Variants in FOXF2 observed in about 807,000 individuals in gnomAD.
FOXF2 encodes the protein forkhead box protein F2.
In FOXF2, 15 loss-of-function variants were observed where a neutral mutation model predicts 29.1. That is an observed-to-expected ratio of 0.52 (90% CI 0.35 to 0.79). The LOEUF (loss-of-function observed/expected upper bound fraction) is 0.79, where lower values mean the gene tolerates loss of function less well. FOXF2 is among the 30% of genes least tolerant of loss of function. The probability of loss-of-function intolerance (pLI) is 0.01; values close to 1 mark genes in which losing one functional copy is unlikely to be tolerated. For missense variants in FOXF2, 675 were observed against 667.1 expected, an observed-to-expected ratio of 1.01 and a Z score of -0.13; for synonymous variants, 337 against 316.5, an observed-to-expected ratio of 1.06 and a Z score of -0.69.
rs532963727 is a variant in FOXF2 at position 1,392,305 on chromosome 6, G to C, written c.1171+1187G>C. The stretch of plus-strand genomic sequence containing the variant: ...AAGACAGTCTCGGCAGGACCACACC[G>C]GAGAGGATTTTAGCCTGACTTAACC... On this transcript the variant is annotated intron_variant, in intron 1 of 1. Transcript: ENST00000645481. 1.4e-4 allele frequency among the ~76,000 whole-genome samples: 22 copies of C among 152,240 alleles called. No homozygotes were observed. In the South Asian group the frequency reaches 3.3e-3, roughly 23 times the overall value.
At chr6:1,394,580 A>G in intron 1 of FOXF2, 116 bp from the exon 2 acceptor site, 1 of 933,700 alleles carries the variant, frequency 1.1e-6, no homozygotes, top group Middle Eastern at 2.3e-4. Context: ...CCAGCTGTCT[A>G]GCAATTTACT....
intron 1 of FOXF2, among the ~76,000 whole-genome samples, chr6:1,393,446 G>C (rs892825886): frequency 3.3e-5 from 5 of 151,914 alleles, no homozygotes; most frequent in African/African-American, 1.2e-4. Context: ...TTAACGCGAC[G>C]AGGGAACTCA....
intron 1 of FOXF2, among the ~76,000 whole-genome samples, chr6:1,391,361 G>T (rs1758785356): frequency 6.6e-6 from 1 of 152,240 alleles, no homozygotes; most frequent in Non-Finnish European, 1.5e-5. Context: ...CTGTGAGCGT[G>T]GTGTAAAGTC....
intron 1 of FOXF2, among the ~76,000 whole-genome samples, chr6:1,393,500 G>C (rs1475367143): frequency 6.6e-6 from 1 of 152,178 alleles, no homozygotes; most frequent in Non-Finnish European, 1.5e-5. Context: ...TCGCGGGACA[G>C]GGCAGCTGCG....
chr6:1,392,340 C>G (rs1758805071), intron 1 of FOXF2, among the ~76,000 whole-genome samples: 1 of 151,976 alleles, frequency 6.6e-6, no homozygotes, highest in African/African-American at 2.4e-5. Context: ...CCACTGAGAA[C>G]AGAGTCTTGT....
At position 1,395,282 on chromosome 6, in the gene FOXF2, T is replaced by G. The variant is rs904586759; in HGVS notation, c.*423T>G. 2.1e-5 allele frequency: 4 copies of G among 194,216 alleles called. No homozygotes were observed. Among genetic ancestry groups the G allele is most frequent in the African/African-American group, 9.3e-5 (4 of 42,936 alleles). The allele number at this position is 194,216 out of a possible 1,614,324, so 12.0% of individuals were successfully genotyped here. ...CTAAGCACAAGATTTCAAGAAAGCC[T>G]CTTCTTGTTGCCTAGCTGAGTGGGA... On this transcript the variant is annotated 3_prime_UTR_variant, in exon 2 of 2. Transcript: ENST00000645481.
Position 1,390,853 on chromosome 6 carries a change from C to T in FOXF2, c.906C>T (p.Gly302=). 2.8e-6 allele frequency: 4 copies of T among 1,410,940 alleles called. No homozygotes were observed. Among genetic ancestry groups the T allele is most frequent in the Non-Finnish European group, 3.7e-6 (4 of 1,083,540 alleles). 87.4% of individuals were successfully genotyped at this position (1,410,940 alleles called of 1,614,324 possible). ...CCGGGGGCGTCGGTGCGGCCGGGGG[C>T]GGCGGCGGCGGCGACTACGGGCCGG... ...AGPGGVGAAG[G]GGGGDYGPDS... is the part of the protein sequence containing the mutation. The change falls in exon 1 of 2, where the codon GGC becomes GGT. Residue 302 remains glycine (G), a synonymous_variant. Transcript: ENST00000645481. The surrounding 1 kb of genome is among the most constrained non-coding windows in gnomAD (Gnocchi z 8.5).
intron 1 of FOXF2, among the ~76,000 whole-genome samples, chr6:1,393,150 C>T (rs1007095902): frequency 6.6e-6 from 1 of 152,086 alleles, no homozygotes; most frequent in African/African-American, 2.4e-5. Context: ...CACATGTCTA[C>T]GCGCACACAC....
In FOXF2 at chr6:1,390,097, G is replaced by GTCGTCCTCCGCCTCCTGCGCCTCGTCC. The variant is rs1254350390; in HGVS notation, c.160_186dup (p.Ala54_Ser62dup). ...CGGAGACCACCTCCTCCTCCTCGTCGTCGTCCTCCGCCTCCTGCGCCTCGT... is the reference window on the plus strand; with the variant it reads ...CGGAGACCACCTCCTCCTCCTCGTCGTCGTCCTCCGCCTCCTGCGCCTCGTCCTCGTCCTCCGCCTCCTGCGCCTCGT... On this transcript the variant is annotated inframe_insertion, in exon 1 of 2. Transcript: ENST00000645481. The surrounding 1 kb of genome is among the most constrained non-coding windows in gnomAD (Gnocchi z 8.5). 1 of 1,425,948 alleles carries GTCGTCCTCCGCCTCCTGCGCCTCGTCC rather than the reference G, an allele frequency of 7.0e-7. No homozygotes were observed. The highest frequency in any genetic ancestry group is 3.0e-5 in the East Asian group (1 of 32,924). The allele number at this position is 1,425,948 out of a possible 1,614,324, so 88.3% of individuals were successfully genotyped here. A position where few individuals can be genotyped will look rare whatever the true frequency, so the allele number is the denominator to read the frequency against.
chr6:1,390,856 C>A lies in FOXF2; in HGVS notation c.909C>A (p.Gly303=). Residue 303 remains glycine, a synonymous_variant, in exon 1 of 2, where the codon GGC becomes GGA. Transcript: ENST00000645481. The surrounding 1 kb of genome is among the most constrained non-coding windows in gnomAD (Gnocchi z 8.5). ...GPGGVGAAGG[G]GGGDYGPDSS... is the part of the protein sequence containing the mutation. Reference sequence around the variant, plus strand: ...GGGGCGTCGGTGCGGCCGGGGGCGGCGGCGGCGGCGACTACGGGCCGGACA... The same window carrying A: ...GGGGCGTCGGTGCGGCCGGGGGCGGAGGCGGCGGCGACTACGGGCCGGACA... 1 of 1,440,270 alleles carries A rather than the reference C, an allele frequency of 6.9e-7. No homozygotes were observed. Among genetic ancestry groups the A allele is most frequent in the Non-Finnish European group, 9.0e-7 (1 of 1,106,650 alleles). The allele number at this position is 1,440,270 out of a possible 1,614,324, so 89.2% of individuals were successfully genotyped here. A position where few individuals can be genotyped will look rare whatever the true frequency, so the allele number is the denominator to read the frequency against.
At position 1,390,262 on chromosome 6, in the gene FOXF2, C is replaced by T. The variant is rs774925153; in HGVS notation, c.315C>T (p.Tyr105=). 6.2e-7 allele frequency: 1 copy of T among 1,611,506 alleles called. No individual in the cohort carries two copies. Among genetic ancestry groups the T allele is most frequent in the Non-Finnish European group, 8.5e-7 (1 of 1,179,676 alleles). The change falls in exon 1 of 2, where the codon TAC becomes TAT. Residue 105 remains tyrosine, a synonymous_variant. Transcript: ENST00000645481. The surrounding 1 kb of genome is among the most constrained non-coding windows in gnomAD (Gnocchi z 8.5). ...GGCCCGAGAAGCCGCCCTACTCGTA[C>T]ATCGCGCTCATCGTCATGGCCATCC... ...LRRPEKPPYS[Y]IALIVMAIQS... is the part of the protein sequence containing the mutation.
Position 1,394,717 on chromosome 6 carries a change from A to C in FOXF2, c.1193A>C (p.His398Pro). Reference protein sequence around the residue: ...DLSVGLPRYQHHSTPVCDRKD... With the variant: ...DLSVGLPRYQPHSTPVCDRKD... ...TCAGTGGGACTGCCCCGTTACCAGC[A>C]TCACTCTACTCCAGTGTGTGACAGA... Residue 398 changes from histidine (H) to proline (P), a missense_variant, in exon 2 of 2, where the codon CAT becomes CCT. Around this residue, in one of 3 missense-constraint regions of FOXF2, gnomAD observed 451 missense variants for 437.2 expected, o/e 1.03. Coordinates refer to ENST00000645481, the MANE Select transcript of FOXF2 (RefSeq NM_001452.2). 1 of 1,614,070 alleles carries C rather than the reference A, an allele frequency of 6.2e-7. No individual in the cohort carries two copies. Among genetic ancestry groups the C allele is most frequent in the South Asian group, 1.1e-5 (1 of 91,072 alleles).
intron 1 of FOXF2, among the ~76,000 whole-genome samples, chr6:1,392,605 C>CTTAGCA (rs1298029134): frequency 6.6e-6 from 1 of 152,080 alleles, no homozygotes; most frequent in African/African-American, 2.4e-5. Flanking sequence ...GACTCTGAGG[C>CTTAGCA]TTAGCAGCCT....
In FOXF2 at chr6:1,391,029, C is replaced by A. The variant is rs1317756945; in HGVS notation, c.1082C>A (p.Pro361His). The stretch of plus-strand genomic sequence containing the variant: ...CCTGCCCTGACGCCCAGCAGCAACC[C>A]CGCCGCCTCGGCAGGCCTGCACTCC... ...QPPALTPSSN[P>H]AASAGLHSSM... The change falls in exon 1 of 2, where the codon CCC (proline) becomes CAC (histidine). Residue 361 changes from proline (P) to histidine (H), a missense_variant. Pro to His is a moderately conservative substitution (Grantham distance 77). This residue lies in a region of FOXF2 where 451 missense variants were observed against 437.2 expected (regional missense o/e 1.03). Coordinates refer to ENST00000645481, the MANE Select transcript of FOXF2 (RefSeq NM_001452.2). 2 of 1,600,040 alleles carry A rather than the reference C, an allele frequency of 1.2e-6. No homozygotes were observed. Among genetic ancestry groups the A allele is most frequent in the Non-Finnish European group, 8.5e-7 (1 of 1,178,350 alleles).
chr6:1,392,541 C>T (rs958504791), intron 1 of FOXF2, among the ~76,000 whole-genome samples: 2 of 151,914 alleles, frequency 1.3e-5, no homozygotes, highest in African/African-American at 2.4e-5. Context: ...TGCCAGCTGC[C>T]CTCCCTGCTC....
chr6:1,391,358 C>G (rs1008313901), intron 1 of FOXF2, among the ~76,000 whole-genome samples: 1 of 152,220 alleles, frequency 6.6e-6, no homozygotes, highest in South Asian at 2.1e-4. Flanking sequence ...CTGCTGTGAG[C>G]GTGGTGTAAA....
Position 1,395,026 on chromosome 6 carries a change from G to C in FOXF2, c.*167G>C. On this transcript the variant is annotated 3_prime_UTR_variant, in exon 2 of 2. Transcript: ENST00000645481. ...CGTTGGTCACTGTTATTTGCCTACT[G>C]CTGGAAGAAGGACAACCGCTGGCAA... is the stretch of plus-strand genomic sequence containing the variant. The C allele has an allele frequency of 1.5e-6, 1 of 687,998 alleles. No individual in the cohort carries two copies. The highest frequency in any genetic ancestry group is 2.7e-5 in the East Asian group (1 of 37,002). The allele number at this position is 687,998 out of a possible 1,614,324, so 42.6% of individuals were successfully genotyped here.
Position 1,395,288 on chromosome 6 carries a change from T to A in FOXF2, c.*429T>A, listed in dbSNP as rs1176477833. ...ACAAGATTTCAAGAAAGCCTCTTCTTGTTGCCTAGCTGAGTGGGAGAGTCA... is the reference window on the plus strand; with the variant it reads ...ACAAGATTTCAAGAAAGCCTCTTCTAGTTGCCTAGCTGAGTGGGAGAGTCA... On this transcript the variant is annotated 3_prime_UTR_variant, in exon 2 of 2. Coordinates refer to ENST00000645481, the MANE Select transcript of FOXF2 (RefSeq NM_001452.2). The A allele has an allele frequency of 5.2e-6, 1 of 193,282 alleles. No individual in the cohort carries two copies. Among genetic ancestry groups the A allele is most frequent in the South Asian group, 1.1e-4 (1 of 8,794 alleles). 12.0% of individuals were successfully genotyped at this position (193,282 alleles called of 1,614,324 possible). A position where few individuals can be genotyped will look rare whatever the true frequency, so the allele number is the denominator to read the frequency against.
rs746854384 is a variant in FOXF2 at position 1,390,742 on chromosome 6, TCACCACCACCACCAC to T, written c.802_816del (p.His268_His272del). The T allele has an allele frequency of 2.0e-5, 28 of 1,418,412 alleles. No homozygotes were observed. The highest frequency in any genetic ancestry group is 2.3e-5 in the Non-Finnish European group (25 of 1,098,466). The allele number at this position is 1,418,412 out of a possible 1,614,324, so 87.9% of individuals were successfully genotyped here. A position where few individuals can be genotyped will look rare whatever the true frequency, so the allele number is the denominator to read the frequency against. Reference sequence around the variant, plus strand: ...CGGGCGCCCCCAGCCACGCGCACCCTCACCACCACCACCACCACCACGTCCCGCACATGTCGCCCA... The same window carrying T: ...CGGGCGCCCCCAGCCACGCGCACCCTCACCACGTCCCGCACATGTCGCCCA... On this transcript the variant is annotated inframe_deletion, in exon 1 of 2. Transcript: ENST00000645481. This position sits in a 1 kb window ranked among gnomAD's most constrained non-coding sequence, Gnocchi z 8.5.
Sources: gnomAD v4.1 joint callset for allele counts (sites outside exome capture counted in the v4.1 genomes callset) on GRCh38, gnomAD v4.1.1 for gene constraint, gnomAD v4.1.1 regional missense constraint, Gnocchi (gnomAD v3.1) non-coding constraint, MANE v1.5 for transcripts, NCBI Gene and HGNC (gene_info 2026-07-23, HGNC 2026-07-21) for gene names.